SKAP2: variants seen among roughly 807,000 people sequenced by gnomAD.
The protein encoded by SKAP2 is src kinase-associated phosphoprotein 2.
SKAP2 carries 28 observed loss-of-function variants against 54.9 expected under a neutral mutation model. The observed-to-expected ratio is 0.51, with a 90% CI of 0.38 to 0.70. The LOEUF (loss-of-function observed/expected upper bound fraction) is 0.70, where lower values mean the gene tolerates loss of function less well. Among genes scored for constraint, SKAP2 ranks in the 30% least tolerant of loss-of-function variants. The probability of loss-of-function intolerance (pLI) is 0.00; values close to 1 mark genes in which losing one functional copy is unlikely to be tolerated. For missense variants in SKAP2, 356 were observed against 424.1 expected (o/e 0.84, Z 1.41); for synonymous variants, 137 against 134.3 (o/e 1.02, Z -0.14).
At chr7:26,850,103 A>G (rs565386014) in intron 3 of SKAP2, among the ~76,000 whole-genome samples, 7 of 152,336 alleles carry the variant, frequency 4.6e-5, no homozygotes, top group Middle Eastern at 3.4e-3. Context: ...ACTAAATAGT[A>G]ACATATTCTC....
chr7:26,662,176 A>G (rs1217269407), downstream of SKAP2, among the ~76,000 whole-genome samples: 1 of 152,178 alleles, frequency 6.6e-6, no homozygotes, highest in African/African-American at 2.4e-5. Context: ...CATAACTGGT[A>G]GCAACTCTGT....
chr7:26,846,041 A>G (rs1412945782), intron 3 of SKAP2, among the ~76,000 whole-genome samples: 2 of 152,216 alleles, frequency 1.3e-5, no homozygotes, highest in Non-Finnish European at 2.9e-5. Flanking sequence ...ACAACAGTTC[A>G]TGGAATATGT....
chr7:26,853,804 C>G (rs910756055), intron 3 of SKAP2, among the ~76,000 whole-genome samples: 3 of 152,132 alleles, frequency 2.0e-5, no homozygotes, highest in Non-Finnish European at 4.4e-5. Context: ...AGTATCTCAC[C>G]TCTGCTTCAC....
At chr7:26,678,283 C>T (rs1584325365) in intron 11 of SKAP2, among the ~76,000 whole-genome samples, 1 of 152,020 alleles carries the variant, frequency 6.6e-6, no homozygotes, top group African/African-American at 2.4e-5. Flanking sequence ...AGTATTATGG[C>T]AACAACAAAA....
At chr7:26,824,848 T>A (rs1394147799) in intron 4 of SKAP2, among the ~76,000 whole-genome samples, 1 of 152,186 alleles carries the variant, frequency 6.6e-6, no homozygotes, top group Non-Finnish European at 1.5e-5. Flanking sequence ...TGATCTAGAC[T>A]GTTATTTTGG....
At chr7:26,820,829 T>C (rs1784371175) in intron 4 of SKAP2, among the ~76,000 whole-genome samples, 1 of 152,206 alleles carries the variant, frequency 6.6e-6, no homozygotes, top group Non-Finnish European at 1.5e-5. Context: ...AAAGAAAATA[T>C]GTACTAAAAT....
At chr7:26,752,173 A>G (rs1316590873) in intron 4 of SKAP2, among the ~76,000 whole-genome samples, 2 of 152,174 alleles carry the variant, frequency 1.3e-5, no homozygotes, top group South Asian at 2.1e-4. Flanking sequence ...TATAAGCTTT[A>G]TAACAACCAA....
At chr7:26,711,738 G>T (rs1013667428) in intron 9 of SKAP2, among the ~76,000 whole-genome samples, 2 of 152,162 alleles carry the variant, frequency 1.3e-5, no homozygotes, top group South Asian at 2.1e-4. Context: ...ACTCATAAAG[G>T]TTAATGAGCA....
chr7:26,799,794 T>C (rs184502093), intron 4 of SKAP2, among the ~76,000 whole-genome samples: 3 of 152,304 alleles, frequency 2.0e-5, no homozygotes, highest in African/African-American at 7.2e-5. Context: ...TTCTCAAGAA[T>C]AGACCATATG....
At chr7:26,734,887 T>A (rs1165244187) in intron 6 of SKAP2, among the ~76,000 whole-genome samples, 3 of 152,170 alleles carry the variant, frequency 2.0e-5, no homozygotes, top group Non-Finnish European at 4.4e-5. Context: ...CATATGAATT[T>A]TGGAGGTACA....
At chr7:26,832,775 AG>A (rs1018723935) in intron 4 of SKAP2, among the ~76,000 whole-genome samples, 2 of 152,244 alleles carry the variant, frequency 1.3e-5, no homozygotes, top group Non-Finnish European at 2.9e-5. Flanking sequence ...ATGAAGACAC[AG>A]CAGAGGACAC....
intron 9 of SKAP2, among the ~76,000 whole-genome samples, chr7:26,722,624 G>C (rs926704827): frequency 6.6e-6 from 1 of 151,590 alleles, no homozygotes; most frequent in East Asian, 1.9e-4. Flanking sequence ...GGCCAGGCTC[G>C]CTTCGAACTC....
intron 4 of SKAP2, among the ~76,000 whole-genome samples, chr7:26,827,456 T>C (rs1163597954): frequency 6.6e-6 from 1 of 152,210 alleles, no homozygotes; most frequent in Non-Finnish European, 1.5e-5. Context: ...TGATGAGAAA[T>C]GTGGGATTAG....
At chr7:26,819,356 G>T (rs1784339172) in intron 4 of SKAP2, among the ~76,000 whole-genome samples, 1 of 152,088 alleles carries the variant, frequency 6.6e-6, no homozygotes, top group Admixed American at 6.6e-5. Flanking sequence ...TCATAAGTAG[G>T]AGTTGAACAA....
intron 9 of SKAP2, among the ~76,000 whole-genome samples, chr7:26,722,262 C>A: frequency 6.6e-6 from 1 of 150,980 alleles, no homozygotes; most frequent in South Asian, 2.1e-4. Flanking sequence ...AATAAATGAA[C>A]AAGAAATTAA....
rs550383584 is a variant in SKAP2, at chr7:26,859,692, T to C, written c.67+4671A>G. ...TCTTTCAACCCTAAAAGATGACTCT[T>C]GATAAATAGCACCTTACAATAATCA... is the stretch of plus-strand genomic sequence containing the variant. On this transcript the variant is annotated intron_variant, in intron 1 of 12. Coordinates refer to ENST00000345317, the MANE Select transcript of SKAP2 (RefSeq NM_003930.5). 2.0e-5 allele frequency among the ~76,000 whole-genome samples: 3 copies of C among 152,340 alleles called. No homozygotes were observed. In the East Asian group the frequency reaches 5.8e-4, roughly 29 times the overall value.
intron 4 of SKAP2, among the ~76,000 whole-genome samples, chr7:26,795,809 A>G (rs2127982810): frequency 6.6e-6 from 1 of 152,330 alleles, no homozygotes; most frequent in East Asian, 1.9e-4. Flanking sequence ...TACTTAATAC[A>G]TCATTAGTGG....
rs1218013639 is a variant in SKAP2, at chr7:26,833,397, C to CAAAA, written c.307+10629_307+10632dup. Among the ~76,000 whole-genome samples the CAAAA allele has an allele frequency of 9.4e-5, 8 of 85,126 alleles. 1 individual carries two copies. Among genetic ancestry groups the CAAAA allele is most frequent in the Non-Finnish European group, 1.6e-4 (7 of 43,442 alleles). 55.8% of individuals were successfully genotyped at this position (85,126 alleles called of 152,430 possible). A position where few individuals can be genotyped will look rare whatever the true frequency, so the allele number is the denominator to read the frequency against. On this transcript the variant is annotated intron_variant, in intron 4 of 12. Coordinates refer to ENST00000345317, the MANE Select transcript of SKAP2 (RefSeq NM_003930.5). Reference sequence around the variant, plus strand: ...GGTGACAAAGAGCAAGACTCCGTCTCAAAAAAAAAAAAAAAAGACACAGAC... The same window carrying CAAAA: ...GGTGACAAAGAGCAAGACTCCGTCTCAAAAAAAAAAAAAAAAAAAAGACACAGAC...
At chr7:26,795,115 A>G (rs937703002) in intron 4 of SKAP2, among the ~76,000 whole-genome samples, 2 of 152,092 alleles carry the variant, frequency 1.3e-5, no homozygotes, top group African/African-American at 4.8e-5. Flanking sequence ...AAAGTTCAAA[A>G]GAGAAGAGTC....
Sources: gnomAD v4.1 joint callset for allele counts (sites outside exome capture counted in the v4.1 genomes callset) on GRCh38, gnomAD v4.1.1 for gene constraint, MANE v1.5 for transcripts, NCBI Gene and HGNC (gene_info 2026-07-23, HGNC 2026-07-21) for gene names.